KCNK18: variants seen among roughly 807,000 people sequenced by gnomAD.
KCNK18 encodes potassium channel subfamily K member 18.
A neutral mutation model predicts 11.8 loss-of-function variants in KCNK18; 8 were observed. That is an observed-to-expected ratio of 0.68 (90% CI 0.40 to 1.22). The LOEUF is 1.22. Ranked by LOEUF, KCNK18 falls within the 50% of genes most tolerant of loss-of-function variation. KCNK18 has a pLI of 0.01. For synonymous variants in KCNK18, 208 were observed against 185.8 expected (o/e 1.12, Z -0.97); for missense variants, 442 against 465.4 (o/e 0.95, Z 0.46).
At chr10:117,203,532 G>GT (rs1273330932) in intron 2 of KCNK18, among the ~76,000 whole-genome samples, 1 of 152,172 alleles carries the variant, frequency 6.6e-6, no homozygotes, top group Admixed American at 6.5e-5. Flanking sequence ...TATGAAGTTT[G>GT]TCTTTTTGTT....
At chr10:117,204,526 G>A (rs984171931) in intron 2 of KCNK18, among the ~76,000 whole-genome samples, 5 of 152,238 alleles carry the variant, frequency 3.3e-5, no homozygotes, top group African/African-American at 9.6e-5. Context: ...AAAATTGCCC[G>A]CTATTGAGAA....
chr10:117,201,509 G>A (rs1855013909), intron 2 of KCNK18, among the ~76,000 whole-genome samples: 1 of 152,208 alleles, frequency 6.6e-6, no homozygotes. Context: ...CCTTTATGCT[G>A]ATTAGCTCAT....
rs1176383961 is a variant in KCNK18, at chr10:117,201,209, CCT to C, written c.276_277del (p.Gln93ValfsTer3). The C allele has an allele frequency of 1.9e-6, 3 of 1,613,998 alleles. No homozygotes were observed. The highest frequency in any genetic ancestry group is 1.3e-5 in the African/African-American group (1 of 74,908). The stretch of plus-strand genomic sequence containing the variant: ...CCAGGGGCATCTGCAGAAGGTGAAG[CCT>C]CAGTGGTTTAACAGGACCACACACT... ...DLQGHLQKVK[P>X]QWFNRTTHWS... On this transcript the variant is annotated frameshift_variant, in exon 2 of 3. Transcript: ENST00000334549. LOFTEE classifies it high-confidence loss of function.
intron 1 of KCNK18, 132 bp downstream of exon 1, chr10:117,197,843 T>A: frequency 1.3e-6 from 1 of 742,622 alleles, no homozygotes; most frequent in Non-Finnish European, 2.4e-6. Flanking sequence ...CTGGGCACTT[T>A]AAGCGAGTAA....
rs1163804459 is a variant in KCNK18, at chr10:117,210,154, T to G, written c.1010T>G (p.Phe337Cys). The G allele has an allele frequency of 6.2e-7, 1 of 1,614,252 alleles. No homozygotes were observed. The highest frequency in any genetic ancestry group is 8.5e-7 in the Non-Finnish European group (1 of 1,180,052). The change falls in exon 3 of 3, where the codon TTC (phenylalanine) becomes TGC (cysteine). Residue 337 changes from phenylalanine to cysteine, a missense_variant. By Grantham distance (205) the Phe-to-Cys change is radical (BLOSUM62 -2). Transcript: ENST00000334549. Reference protein sequence around the residue: ...GDTVLEHPNFFLFFSIYIIVG... With the variant: ...GDTVLEHPNFCLFFSIYIIVG... ...ACTGTTTTAGAACACCCTAACTTCT[T>G]CCTGTTCTTCTCCATTTATATCATC...
intron 2 of KCNK18, among the ~76,000 whole-genome samples, chr10:117,208,490 A>C (rs1433642100): frequency 1.3e-5 from 2 of 152,194 alleles, no homozygotes; most frequent in Non-Finnish European, 2.9e-5. Flanking sequence ...TATTATCATA[A>C]ATAGCAGAGC....
intron 2 of KCNK18, among the ~76,000 whole-genome samples, chr10:117,202,604 A>G (rs1855026198): frequency 6.6e-6 from 1 of 152,172 alleles, no homozygotes; most frequent in Non-Finnish European, 1.5e-5. Context: ...GTCTCTCTGC[A>G]TGGTTCATCA....
intron 1 of KCNK18, among the ~76,000 whole-genome samples, chr10:117,198,017 C>G (rs994873336): frequency 6.6e-6 from 1 of 152,114 alleles, no homozygotes; most frequent in Non-Finnish European, 1.5e-5. Context: ...AGACCAGTGG[C>G]CTCAGGGGAC....
intron 1 of KCNK18, among the ~76,000 whole-genome samples, chr10:117,198,861 G>A (rs1309855598): frequency 6.6e-6 from 1 of 152,166 alleles, no homozygotes; most frequent in African/African-American, 2.4e-5. Flanking sequence ...CTGCCAAAGG[G>A]ACACTGCACC....
Position 117,201,164 on chromosome 10 carries a change from G to T in KCNK18, c.229G>T (p.Glu77Ter). The part of the protein sequence containing the change: ...RILNCSETVV[E>*]DRKQDLQGHL... ...TTGGTCATGTCTTTCTCCAGTGGTG[G>T]AAGACAGAAAACAGGATCTCCAGGG... Residue 77 changes from glutamate (E) to a stop codon, truncating the protein, a stop_gained, in exon 2 of 3, where the codon GAA becomes TAA. Transcript: ENST00000334549. LOFTEE classifies it high-confidence loss of function. The T allele has an allele frequency of 6.2e-7, 1 of 1,614,220 alleles. No homozygotes were observed. Among genetic ancestry groups the T allele is most frequent in the Non-Finnish European group, 8.5e-7 (1 of 1,180,048 alleles).
chr10:117,206,930 C>T (rs554323726), intron 2 of KCNK18, among the ~76,000 whole-genome samples: 1 of 152,308 alleles, frequency 6.6e-6, no homozygotes, highest in African/African-American at 2.4e-5. Context: ...AGGCTGCTTC[C>T]TCTCTCTTCA....
rs750157980 is a variant in KCNK18, at chr10:117,202,885, G to GTTTTTTTTTTTTTT, written c.352+1598_352+1599insTTTTTTTTTTTTTT. 3.6e-5 allele frequency among the ~76,000 whole-genome samples: 4 copies of GTTTTTTTTTTTTTT among 111,280 alleles called. 1 individual carries two copies. The highest frequency in any genetic ancestry group is 5.2e-5 in the Non-Finnish European group (3 of 57,274). 73.0% of individuals were successfully genotyped at this position (111,280 alleles called of 152,430 possible). On this transcript the variant is annotated intron_variant, in intron 2 of 2. Coordinates refer to ENST00000334549, the MANE Select transcript of KCNK18 (RefSeq NM_181840.1). The stretch of plus-strand genomic sequence containing the variant: ...CGTGGTTTCTCCCATTTGCCTGAAT[G>GTTTTTTTTTTTTTT]CTTTTTTTTTTTTTTTTTTTTTTGA...
At chr10:117,209,171 G>C (rs3847484) in intron 2 of KCNK18, among the ~76,000 whole-genome samples, 8,959 of 152,138 alleles carry the variant, frequency 0.059, 443 homozygotes, top group Admixed American at 0.16. Flanking sequence ...CTTCCTTTGG[G>C]GGGTGCTCAG....
At chr10:117,203,122 C>G (rs777888949) in intron 2 of KCNK18, among the ~76,000 whole-genome samples, 8 of 151,958 alleles carry the variant, frequency 5.3e-5, no homozygotes, top group Non-Finnish European at 8.8e-5. Context: ...GGTGATCTGC[C>G]CATCTCGGCC....
intron 1 of KCNK18, 97 bp downstream of exon 1, chr10:117,197,808 C>A: frequency 9.8e-7 from 1 of 1,024,574 alleles, no homozygotes; most frequent in Non-Finnish European, 1.5e-6. Context: ...GGTCTGGGAG[C>A]TGCCTGCCTG....
chr10:117,203,755 T>G (rs569424769), intron 2 of KCNK18, among the ~76,000 whole-genome samples: 1 of 152,222 alleles, frequency 6.6e-6, no homozygotes, highest in African/African-American at 2.4e-5. Flanking sequence ...CAGTGTGGTC[T>G]TGAACTCCTG....
At chr10:117,201,923 G>T (rs564109024) in intron 2 of KCNK18, among the ~76,000 whole-genome samples, 2 of 152,334 alleles carry the variant, frequency 1.3e-5, no homozygotes, top group East Asian at 3.9e-4. Context: ...CTTCCCTTCT[G>T]GTGGGGCAGC....
chr10:117,197,791 G>A (rs1854968287), intron 1 of KCNK18, 80 bp downstream of exon 1: 2 of 1,311,644 alleles, frequency 1.5e-6, no homozygotes, highest in Admixed American at 1.9e-5. Flanking sequence ...TGCCTTCTAG[G>A]AGGCTGGGTC....
chr10:117,201,617 CA>C (rs1855015311), intron 2 of KCNK18, among the ~76,000 whole-genome samples: 1 of 152,218 alleles, frequency 6.6e-6, no homozygotes, highest in Non-Finnish European at 1.5e-5. Context: ...TGAACCCAGC[CA>C]CTTGGGTCTA....
Sources: allele counts gnomAD v4.1 joint callset (sites outside exome capture counted in the v4.1 genomes callset), GRCh38; gene constraint gnomAD v4.1.1; transcripts MANE v1.5; gene names NCBI Gene and HGNC (gene_info 2026-07-23, HGNC 2026-07-21).